Variants in MAPK6 observed in about 807,000 individuals in gnomAD.
MAPK6 encodes the protein mitogen-activated protein kinase 6.
Under a neutral mutation model 59.3 loss-of-function variants are expected in MAPK6, and 19 were observed. That is an observed-to-expected ratio of 0.32 (90% CI 0.22 to 0.47). The LOEUF is 0.47. MAPK6 is among the 20% of genes least tolerant of loss of function. The pLI, the probability that MAPK6 is intolerant of heterozygous loss-of-function variation, is 1.00. For missense variants in MAPK6, 724 were observed against 847.9 expected (o/e 0.85, Z 1.81); for synonymous variants, 316 against 290.3 (o/e 1.09, Z -0.90).
At chr15:51,984,427 G>C (rs1386325423) in intron 2 of MAPK6, among the ~76,000 whole-genome samples, 1 of 143,578 alleles carries the variant, frequency 7.0e-6, no homozygotes, top group African/African-American at 2.6e-5. Flanking sequence ...GACTACAGGC[G>C]CCTGCCAACA....
At chr15:51,971,931 C>G in intron 1 of MAPK6, 2 of 611,024 alleles carry the variant, frequency 3.3e-6, no homozygotes, top group Non-Finnish European at 5.9e-6. Context: ...TAAGCCCGGC[C>G]ATTTCGTCAA....
At position 51,978,617 on chromosome 15, in the gene MAPK6, A is replaced by G. The variant is rs1283347689; in HGVS notation, c.-879-4589A>G. Among the ~76,000 whole-genome samples, 11 of 151,940 alleles carry G rather than the reference A, an allele frequency of 7.2e-5. No homozygotes were observed. In the East Asian group the frequency reaches 7.7e-4, roughly 11 times the overall value. ...TGCCACCAAAATGAGTTATGAAAGT[A>G]CGCTCAATTTCAGAGATTTTTTGGG... On this transcript the variant is annotated intron_variant, in intron 1 of 7. Coordinates refer to the MAPK6 transcript ENST00000691380.
chr15:51,988,267 C>A (rs2057197188), intron 2 of MAPK6, among the ~76,000 whole-genome samples: 1 of 150,392 alleles, frequency 6.6e-6, no homozygotes, highest in Admixed American at 6.6e-5. Context: ...CAGAGAAAAC[C>A]TATTAGGAAA....
chr15:52,025,816 C>G (rs183356321), intron 1 of MAPK6, among the ~76,000 whole-genome samples: 7 of 152,206 alleles, frequency 4.6e-5, no homozygotes, highest in African/African-American at 1.7e-4. Flanking sequence ...TTGGATGTAG[C>G]TGGTGGTTAC....
At chr15:52,043,490 G>A (rs1194412996) in intron 1 of MAPK6, among the ~76,000 whole-genome samples, 1 of 151,860 alleles carries the variant, frequency 6.6e-6, no homozygotes, top group African/African-American at 2.4e-5. Flanking sequence ...TAGAGACGGG[G>A]TTTCTCCATG....
rs1363887763 is a variant in MAPK6 at position 52,066,098 on chromosome 15, C to G, written c.*1098C>G. The G allele has an allele frequency of 6.6e-6, 1 of 152,638 alleles. No homozygotes were observed. The highest frequency in any genetic ancestry group is 2.4e-5 in the African/African-American group (1 of 41,458). 9.5% of individuals were successfully genotyped at this position (152,638 alleles called of 1,614,324 possible). ...TTACTGTATGTTTTTACTGAATGAT[C>G]TATTCCCCATCCCAAGGCAAGCATG... On this transcript the variant is annotated 3_prime_UTR_variant, in exon 6 of 6. Coordinates refer to ENST00000261845, the MANE Select transcript of MAPK6 (RefSeq NM_002748.4).
rs1277252833 is a variant in MAPK6 at position 52,067,353 on chromosome 15, A to G, written c.*2353A>G. 3.9e-5 allele frequency: 6 copies of G among 152,328 alleles called. No homozygotes were observed. The highest frequency in any genetic ancestry group is 1.2e-4 in the African/African-American group (5 of 41,568). The allele number at this position is 152,328 out of a possible 1,614,324, so 9.4% of individuals were successfully genotyped here. On this transcript the variant is annotated 3_prime_UTR_variant, in exon 6 of 6. Coordinates refer to ENST00000261845, the MANE Select transcript of MAPK6 (RefSeq NM_002748.4). Reference sequence around the variant, plus strand: ...TACTAAGTTGTAAAGTCAATTTCCAATAAAAATTTTATGTGCCAATTACTT... The same window carrying G: ...TACTAAGTTGTAAAGTCAATTTCCAGTAAAAATTTTATGTGCCAATTACTT...
intron 2 of MAPK6, among the ~76,000 whole-genome samples, chr15:52,048,299 G>A (rs1186962949): frequency 2.0e-5 from 3 of 151,902 alleles, no homozygotes; most frequent in South Asian, 2.1e-4. Context: ...ACAGGCGCCC[G>A]CCACCACGCC....
intron 4 of MAPK6, among the ~76,000 whole-genome samples, chr15:52,060,982 C>T (rs2032176536): frequency 6.6e-6 from 1 of 152,186 alleles, no homozygotes; most frequent in African/African-American, 2.4e-5. Context: ...CAGTGACTTG[C>T]AGAGCTAGGA....
intron 2 of MAPK6, 50 bp downstream of exon 2, chr15:52,047,065 T>G (rs1199751496): frequency 7.6e-7 from 1 of 1,316,964 alleles, no homozygotes; most frequent in African/African-American, 1.5e-5. Context: ...ATACACCTAA[T>G]CAGGAATAGG....
At chr15:52,022,889 C>G (rs2030590394) in intron 1 of MAPK6, among the ~76,000 whole-genome samples, 2 of 151,874 alleles carry the variant, frequency 1.3e-5, no homozygotes, top group Non-Finnish European at 2.9e-5. Context: ...GGAGGCAGAT[C>G]ACGAGGTCAG....
At chr15:51,991,987 C>A (rs563938566) in intron 2 of MAPK6, among the ~76,000 whole-genome samples, 1 of 152,148 alleles carries the variant, frequency 6.6e-6, no homozygotes, top group Non-Finnish European at 1.5e-5. Flanking sequence ...GACTGGGTCT[C>A]GCTCTGTCAC....
chr15:51,973,067 A>G (rs1208827644), intron 1 of MAPK6, among the ~76,000 whole-genome samples: 1 of 151,698 alleles, frequency 6.6e-6, no homozygotes, highest in East Asian at 1.9e-4. Context: ...TTAGGCCATT[A>G]TGAGAGTTTT....
chr15:52,028,194 C>T lies in MAPK6; in HGVS notation c.-632+8818C>T, dbSNP rs184990292. 7.5e-4 allele frequency among the ~76,000 whole-genome samples: 114 copies of T among 152,050 alleles called. No homozygotes were observed. In the East Asian group the frequency reaches 0.02, roughly 27 times the overall value. ...GTCTCGATCTCCTGACCTTGTGATC[C>T]GCCCGCCTCGGCCTCCCAAAGTGCT... On this transcript the variant is annotated intron_variant, in intron 1 of 5. Coordinates refer to ENST00000261845, the MANE Select transcript of MAPK6 (RefSeq NM_002748.4).
At chr15:52,030,086 C>T (rs2030968011) in intron 1 of MAPK6, among the ~76,000 whole-genome samples, 1 of 152,116 alleles carries the variant, frequency 6.6e-6, no homozygotes, top group Non-Finnish European at 1.5e-5. Context: ...ATTTCTTTTG[C>T]TCCAAAATGC....
chr15:51,979,255 G>GAGAA (rs764749933), intron 1 of MAPK6, among the ~76,000 whole-genome samples: 5 of 151,178 alleles, frequency 3.3e-5, no homozygotes, highest in South Asian at 4.2e-4. Context: ...AGGAAAGAAA[G>GAGAA]AGAAAGAAAG....
intron 1 of MAPK6, among the ~76,000 whole-genome samples, chr15:52,032,033 T>C (rs2031057335): frequency 6.6e-6 from 1 of 151,822 alleles, no homozygotes; most frequent in Non-Finnish European, 1.5e-5. Context: ...CCACCACGTC[T>C]GGCTAATTTT....
chr15:51,984,447 A>ATTTTTTTTTTTTTTTTTTT lies in MAPK6; in HGVS notation c.-770+1143_-770+1161dup, dbSNP rs71130112. 3.1e-4 allele frequency among the ~76,000 whole-genome samples: 22 copies of ATTTTTTTTTTTTTTTTTTT among 69,976 alleles called. 1 individual carries two copies. The highest frequency in any genetic ancestry group is 9.3e-4 in the African/African-American group (14 of 15,088). The allele number at this position is 69,976 out of a possible 152,430, so 45.9% of individuals were successfully genotyped here. A position where few individuals can be genotyped will look rare whatever the true frequency, so the allele number is the denominator to read the frequency against. On this transcript the variant is annotated intron_variant, in intron 2 of 7. Transcript: ENST00000691380. ...CAGGCGCCTGCCAACACGCCGGCTAATTTTTTTTTTTTTTTTTTTTTTTTT... is the reference window on the plus strand; with the variant it reads ...CAGGCGCCTGCCAACACGCCGGCTAATTTTTTTTTTTTTTTTTTTTTTTTTTTTTTTTTTTTTTTTTTTT...
At chr15:51,981,279 C>T (rs1473705236) in intron 1 of MAPK6, among the ~76,000 whole-genome samples, 2 of 151,794 alleles carry the variant, frequency 1.3e-5, no homozygotes, top group Non-Finnish European at 2.9e-5. Context: ...CAAGACCATC[C>T]TGGCTAACAC....
Sources: gnomAD v4.1 joint callset for allele counts (sites outside exome capture counted in the v4.1 genomes callset) on GRCh38, gnomAD v4.1.1 for gene constraint, MANE v1.5 for transcripts, NCBI Gene and HGNC (gene_info 2026-07-23, HGNC 2026-07-21) for gene names.